DPP6: variants seen among roughly 807,000 people sequenced by gnomAD.
The protein encoded by DPP6 is dipeptidyl peptidase like 6.
In DPP6, 69 loss-of-function variants were observed where a neutral mutation model predicts 122.6. The ratio of observed to expected loss-of-function variants is 0.56; its 90% CI spans 0.46 to 0.69. The LOEUF (loss-of-function observed/expected upper bound fraction) is 0.69. DPP6 is among the 30% of genes least tolerant of loss of function. The pLI, the probability that DPP6 is intolerant of heterozygous loss-of-function variation, is 0.00. For synonymous variants in DPP6, 418 were observed against 433.1 expected, an observed-to-expected ratio of 0.97 and a Z score of 0.43; for missense variants, 928 against 1,116.9, an observed-to-expected ratio of 0.83 and a Z score of 2.41.
chr7:153,991,368 T>C (rs1797169581), intron 1 of DPP6, among the ~76,000 whole-genome samples: 1 of 152,242 alleles, frequency 6.6e-6, no homozygotes. Flanking sequence ...CTACTTACAT[T>C]TCCTGAATTA....
chr7:154,018,077 C>T (rs914499070), intron 1 of DPP6, among the ~76,000 whole-genome samples: 1 of 152,070 alleles, frequency 6.6e-6, no homozygotes, highest in Non-Finnish European at 1.5e-5. Context: ...CAGCTGGGCA[C>T]TCAGGGTTAT....
intron 5 of DPP6, among the ~76,000 whole-genome samples, chr7:154,578,503 GGGCTTGGC>G (rs1831832556): frequency 1.2e-3 from 2 of 1,656 alleles, no homozygotes; most frequent in Non-Finnish European, 2.5e-3. Context: ...GGGGCTATTC[GGGCTTGGC>G]AGGGGCTATT....
At chr7:154,780,553 C>A (rs1309041803) in intron 10 of DPP6, among the ~76,000 whole-genome samples, 1 of 152,230 alleles carries the variant, frequency 6.6e-6, no homozygotes, top group African/African-American at 2.4e-5. Context: ...ACAGTCTTGA[C>A]ATCTGAAATT....
At chr7:153,751,701 T>C in the DPP6 span, among the ~76,000 whole-genome samples, 3 of 152,180 alleles carry the variant, frequency 2.0e-5, no homozygotes, top group South Asian at 2.1e-4. Flanking sequence ...TTACAGAAGA[T>C]GTAAACTACC....
chr7:154,055,008 GAAAC>G (rs1358584585), intron 1 of DPP6, among the ~76,000 whole-genome samples: 3 of 151,336 alleles, frequency 2.0e-5, no homozygotes, highest in South Asian at 2.1e-4. Flanking sequence ...GGTGTCCTGA[GAAAC>G]AAATCAGGGA....
the DPP6 span, among the ~76,000 whole-genome samples, chr7:153,880,810 T>C: frequency 1.3e-5 from 2 of 152,178 alleles, no homozygotes; most frequent in Admixed American, 6.5e-5. Flanking sequence ...TGTAATGAAT[T>C]TAGTCTGAAT....
At chr7:154,203,547 A>G (rs1023949176) in intron 1 of DPP6, among the ~76,000 whole-genome samples, 8 of 152,282 alleles carry the variant, frequency 5.3e-5, no homozygotes, top group African/African-American at 9.6e-5. Context: ...GTCAAAGACC[A>G]CAGCAGAGAT....
chr7:154,510,936 GCACACACACACACACA>G (rs3056506), intron 3 of DPP6, among the ~76,000 whole-genome samples: 6 of 145,090 alleles, frequency 4.1e-5, no homozygotes, highest in Non-Finnish European at 9.0e-5. Context: ...ACACACACAT[GCACACACACACACACA>G]CACACACACA....
chr7:154,050,076 C>T (rs984579070), upstream of DPP6, among the ~76,000 whole-genome samples: 1 of 152,284 alleles, frequency 6.6e-6, no homozygotes, highest in African/African-American at 2.4e-5. Context: ...ATCTTTCAGA[C>T]GCTCGCTCTT....
chr7:154,157,078 A>G (rs1466595715), intron 1 of DPP6, among the ~76,000 whole-genome samples: 1 of 152,274 alleles, frequency 6.6e-6, no homozygotes, highest in African/African-American at 2.4e-5. Context: ...AGGTTCTTTC[A>G]AATGGAAGAT....
At chr7:154,055,828 C>T (rs1160421302) in intron 1 of DPP6, 3 of 152,214 alleles carry the variant, frequency 2.0e-5, no homozygotes, top group Admixed American at 6.5e-5. Flanking sequence ...GAAGACTGTT[C>T]CAAGGTACAG....
chr7:154,671,193 A>G (rs1838529607), intron 7 of DPP6, among the ~76,000 whole-genome samples: 1 of 151,966 alleles, frequency 6.6e-6, no homozygotes. Flanking sequence ...AACCCTCTGA[A>G]AGTCTGTGAT....
chr7:154,126,054 G>A (rs1807859165), intron 1 of DPP6, among the ~76,000 whole-genome samples: 2 of 152,152 alleles, frequency 1.3e-5, no homozygotes, highest in African/African-American at 4.8e-5. Flanking sequence ...GTAAGAAGTG[G>A]TACCTCCTTG....
At chr7:154,680,146 T>C (rs903333089) in intron 7 of DPP6, among the ~76,000 whole-genome samples, 1 of 151,974 alleles carries the variant, frequency 6.6e-6, no homozygotes, top group East Asian at 1.9e-4. Flanking sequence ...TGCGTAATCA[T>C]AGGATTATGG....
chr7:154,301,983 A>G (rs1458223809), intron 1 of DPP6, among the ~76,000 whole-genome samples: 2 of 151,676 alleles, frequency 1.3e-5, no homozygotes, highest in Non-Finnish European at 1.5e-5. Context: ...ACGCCCGGCT[A>G]ATTTTTTGCA....
At chr7:154,420,244 G>A (rs1163823334) in intron 1 of DPP6, among the ~76,000 whole-genome samples, 2 of 152,184 alleles carry the variant, frequency 1.3e-5, no homozygotes, top group Non-Finnish European at 2.9e-5. Context: ...TGCTGAGGCA[G>A]AGAATTGCTT....
intron 1 of DPP6, among the ~76,000 whole-genome samples, chr7:154,088,306 G>A (rs1299324810): frequency 3.4e-5 from 5 of 146,686 alleles, no homozygotes; most frequent in African/African-American, 1.3e-4. Flanking sequence ...CCCATCACGT[G>A]GCAACACCAA....
chr7:154,295,209 C>T (rs954152786), intron 1 of DPP6, among the ~76,000 whole-genome samples: 2 of 152,190 alleles, frequency 1.3e-5, no homozygotes. Context: ...ATCTGGTCTC[C>T]TCTCATGATT....
chr7:154,666,434 A>G (rs1838172877), intron 6 of DPP6, among the ~76,000 whole-genome samples: 1 of 152,102 alleles, frequency 6.6e-6, no homozygotes, highest in Admixed American at 6.5e-5. Flanking sequence ...ATATGTATAC[A>G]TTATGAAATT....
Sources: allele counts gnomAD v4.1 joint callset (sites outside exome capture counted in the v4.1 genomes callset), GRCh38; gene constraint gnomAD v4.1.1; transcripts MANE v1.5; gene names NCBI Gene and HGNC (gene_info 2026-07-23, HGNC 2026-07-21).